The following GPATCH1 variants were observed in gnomAD, a reference collection of about 807,000 sequenced individuals.
The protein encoded by GPATCH1 is G-patch domain containing 1, also known as G patch domain-containing protein 1.
GPATCH1 carries 73 observed loss-of-function variants against 114.9 expected under a neutral mutation model. The ratio of observed to expected loss-of-function variants is 0.64; its 90% CI spans 0.53 to 0.77. The LOEUF is 0.77. Among genes scored for constraint, GPATCH1 ranks in the 30% least tolerant of loss-of-function variants. The pLI is 0.00. For synonymous variants in GPATCH1, 391 were observed against 428.4 expected, an observed-to-expected ratio of 0.91 and a Z score of 1.08; for missense variants, 1,058 against 1,144.3, an observed-to-expected ratio of 0.92 and a Z score of 1.09.
At chr19:33,108,720 AG>A (rs1469736747) in intron 10 of GPATCH1, among the ~76,000 whole-genome samples, 1 of 151,554 alleles carries the variant, frequency 6.6e-6, no homozygotes, top group African/African-American at 2.4e-5. Flanking sequence ...CTGCCCTCCA[AG>A]CTCCTGGGCC....
In GPATCH1 at chr19:33,096,277, C is replaced by T; in HGVS notation, c.683C>T (p.Thr228Ile). Residue 228 changes from threonine (T) to isoleucine (I), a missense_variant, in exon 7 of 20, where the codon ACA (threonine) becomes ATA (isoleucine). Thr to Ile is a moderately conservative substitution (Grantham distance 89). This residue lies in a region of GPATCH1 where 893 missense variants were observed against 977.4 expected (regional missense o/e 0.91). Transcript: ENST00000170564. ...APKDVTPVDF[T>I]PKDNVHGLAY... ...AAAGATGTCACACCTGTGGATTTCA[C>T]ACCTAAAGATAATGTGCATGGTCTA... 6.2e-7 allele frequency: 1 copy of T among 1,614,060 alleles called. No homozygotes were observed. Among genetic ancestry groups the T allele is most frequent in the Non-Finnish European group, 8.5e-7 (1 of 1,179,918 alleles).
chr19:33,093,038 G>A (rs576660571), intron 3 of GPATCH1, among the ~76,000 whole-genome samples: 2 of 151,778 alleles, frequency 1.3e-5, no homozygotes, highest in Admixed American at 1.3e-4. Flanking sequence ...AAAACAAACA[G>A]CTAGCCAGGC....
chr19:33,105,423 A>G (rs1272767387), intron 9 of GPATCH1, among the ~76,000 whole-genome samples: 18 of 151,430 alleles, frequency 1.2e-4, no homozygotes, highest in East Asian at 3.9e-4. Flanking sequence ...AAAAAAAAAA[A>G]AAAAAGAAAA....
At chr19:33,124,261 T>C (rs1388215368) in intron 17 of GPATCH1, among the ~76,000 whole-genome samples, 3 of 152,186 alleles carry the variant, frequency 2.0e-5, no homozygotes, top group African/African-American at 7.2e-5. Context: ...TATGAAAACA[T>C]TTTGGTCTGA....
rs752422778 is a variant in GPATCH1 at position 33,088,180 on chromosome 19, A to G, written c.120A>G (p.Arg40=). ...TCCCTCTTCAGGATCAGACTGTCAG[A>G]GATGAAAAAGGAAGGTATAAACGAT... The part of the protein sequence containing the change: ...KPIPLQDQTV[R]DEKGRYKRFH... The change falls in exon 2 of 20, where the codon AGA becomes AGG. Residue 40 remains arginine, a synonymous_variant. Transcript: ENST00000170564. The G allele has an allele frequency of 3.1e-6, 5 of 1,589,186 alleles. No homozygotes were observed. The highest frequency in any genetic ancestry group is 4.3e-6 in the Non-Finnish European group (5 of 1,162,100).
At chr19:33,082,043 T>C (rs1252263412) in intron 1 of GPATCH1, among the ~76,000 whole-genome samples, 1 of 147,696 alleles carries the variant, frequency 6.8e-6, no homozygotes, top group Non-Finnish European at 1.5e-5. Flanking sequence ...ATGTTGAGAA[T>C]ACACTGGTTG....
At chr19:33,130,026 C>T (rs1599870484) in intron 19 of GPATCH1, 104 bp from the exon 20 acceptor site, 1 of 786,252 alleles carries the variant, frequency 1.3e-6, no homozygotes, top group Non-Finnish European at 2.3e-6. Context: ...TGCAGACATG[C>T]TGCTGTGATA....
At chr19:33,128,968 C>T (rs745963599) in intron 19 of GPATCH1, among the ~76,000 whole-genome samples, 3 of 152,108 alleles carry the variant, frequency 2.0e-5, no homozygotes, top group Non-Finnish European at 2.9e-5. Context: ...CAGATTTAGG[C>T]CAGGTGCGGT....
chr19:33,081,383 C>CGATCTAACA, intron 1 of GPATCH1, 117 bp downstream of exon 1: 1 of 868,858 alleles, frequency 1.2e-6, no homozygotes, highest in East Asian at 2.7e-5. Context: ...GCGCTGGGAA[C>CGATCTAACA]ACGGCGACGA....
Position 33,130,133 on chromosome 19 carries a change from GA to G in GPATCH1, c.2773del (p.Ser925ValfsTer4). ...VSPQELLRRLKSLPLRRQ is the reference protein window; with the variant it reads ...VSPQELLRRLXSLPLRRQ ...TCTTTTCTGTTTTCTTTTCCAGGCTGAAAAGTCTTCCACTAAGAAGGCAGTA... is the reference window on the plus strand; with the variant it reads ...TCTTTTCTGTTTTCTTTTCCAGGCTGAAAGTCTTCCACTAAGAAGGCAGTA... On this transcript the variant is annotated frameshift_variant, in exon 20 of 20. Transcript: ENST00000170564. LOFTEE classifies it high-confidence loss of function. 6.2e-7 allele frequency: 1 copy of G among 1,611,420 alleles called. No individual in the cohort carries two copies. The highest frequency in any genetic ancestry group is 8.5e-7 in the Non-Finnish European group (1 of 1,177,670).
chr19:33,110,723 T>C (rs1322173650), intron 11 of GPATCH1, among the ~76,000 whole-genome samples: 1 of 151,758 alleles, frequency 6.6e-6, no homozygotes, highest in Non-Finnish European at 1.5e-5. Flanking sequence ...GGTGAACTTA[T>C]CACTGCCTGG....
chr19:33,104,333 T>G (rs1972759346), intron 9 of GPATCH1, among the ~76,000 whole-genome samples: 1 of 63,960 alleles, frequency 1.6e-5, no homozygotes, highest in Non-Finnish European at 2.5e-5. Context: ...AGTGAGACCC[T>G]GTCTCAAAAA....
At position 33,096,264 on chromosome 19, in the gene GPATCH1, C is replaced by G; in HGVS notation, c.670C>G (p.Pro224Ala). 6.2e-7 allele frequency: 1 copy of G among 1,613,178 alleles called. No homozygotes were observed. Among genetic ancestry groups the G allele is most frequent in the Non-Finnish European group, 8.5e-7 (1 of 1,179,126 alleles). Reference protein sequence around the residue: ...NVTFAPKDVTPVDFTPKDNVH... With the variant: ...NVTFAPKDVTAVDFTPKDNVH... ...GACCTTTGCACCCAAAGATGTCACA[C>G]CTGTGGATTTCACACCTAAAGATAA... The change falls in exon 7 of 20, where the codon CCT (proline) becomes GCT (alanine). Residue 224 changes from proline to alanine, a missense_variant. Transcript: ENST00000170564.
At chr19:33,127,870 A>G (rs552624744) in intron 19 of GPATCH1, among the ~76,000 whole-genome samples, 14 of 151,472 alleles carry the variant, frequency 9.2e-5, no homozygotes, top group Admixed American at 3.3e-4. Context: ...CCCCACACCC[A>G]GCTAATTTTT....
chr19:33,106,738 A>G lies in GPATCH1; in HGVS notation c.1124A>G (p.His375Arg), dbSNP rs569057525. ...CTGCCAAGAGACTATCGACCAGTGC[A>G]TTATTTCAGACCCATGGTGGCCGCC... is the stretch of plus-strand genomic sequence containing the variant. ...PELPRDYRPV[H>R]YFRPMVAATS... Residue 375 changes from histidine (H) to arginine (R), a missense_variant, in exon 10 of 20, where the codon CAT (histidine) becomes CGT (arginine). Transcript: ENST00000170564. 2.5e-6 allele frequency: 4 copies of G among 1,614,006 alleles called. No homozygotes were observed. The highest frequency in any genetic ancestry group is 3.3e-5 in the Admixed American group (2 of 60,020).
At chr19:33,087,752 C>T (rs1039069179) in intron 1 of GPATCH1, among the ~76,000 whole-genome samples, 3 of 147,802 alleles carry the variant, frequency 2.0e-5, no homozygotes, top group East Asian at 2.0e-4. Context: ...GGTGTGATCT[C>T]GGCTCACTGC....
In GPATCH1 at chr19:33,114,296, G is replaced by C; in HGVS notation, c.2073G>C (p.Lys691Asn). 1.9e-6 allele frequency: 3 copies of C among 1,613,494 alleles called. No individual in the cohort carries two copies. The highest frequency in any genetic ancestry group is 2.5e-6 in the Non-Finnish European group (3 of 1,179,672). The change falls in exon 15 of 20, where the codon AAG (lysine) becomes AAC (asparagine). Residue 691 changes from lysine to asparagine, a missense_variant. By Grantham distance (94) the Lys-to-Asn change is moderately conservative. Coordinates refer to ENST00000170564, the MANE Select transcript of GPATCH1 (RefSeq NM_018025.3). ...GATGGGATACCTCTAAACACGAAAA[G>C]AAAGAAGATTCCATTAGTGAATTTT... ...PSRWDTSKHEKKEDSISEFLS... is the reference protein window; with the variant it reads ...PSRWDTSKHENKEDSISEFLS...
intron 8 of GPATCH1, among the ~76,000 whole-genome samples, chr19:33,100,710 G>C (rs1972716448): frequency 6.6e-6 from 1 of 151,504 alleles, no homozygotes; most frequent in African/African-American, 2.4e-5. Context: ...CATCTGCACT[G>C]CTTGCTGTTC....
At chr19:33,110,550 T>C (rs1293276299) in intron 11 of GPATCH1, among the ~76,000 whole-genome samples, 1 of 152,098 alleles carries the variant, frequency 6.6e-6, no homozygotes, top group Non-Finnish European at 1.5e-5. Context: ...ATCAGTAAAT[T>C]ACAGGGTTGT....
Sources: gnomAD v4.1 joint callset for allele counts (sites outside exome capture counted in the v4.1 genomes callset) on GRCh38, gnomAD v4.1.1 for gene constraint, gnomAD v4.1.1 regional missense constraint, MANE v1.5 for transcripts, NCBI Gene and HGNC (gene_info 2026-07-23, HGNC 2026-07-21) for gene names.